GALNTL6: variants seen among roughly 807,000 people sequenced by gnomAD.
GALNTL6 encodes the protein polypeptide N-acetylgalactosaminyltransferase-like 6.
A neutral mutation model predicts 73.7 loss-of-function variants in GALNTL6; 46 were observed. That is an observed-to-expected ratio of 0.62 (90% CI 0.49 to 0.80). The LOEUF (loss-of-function observed/expected upper bound fraction) is 0.80, where lower values mean the gene tolerates loss of function less well. Among genes scored for constraint, GALNTL6 ranks in the 30% least tolerant of loss-of-function variants. The probability of loss-of-function intolerance (pLI) is 0.00; values close to 1 mark genes in which losing one functional copy is unlikely to be tolerated. For missense variants in GALNTL6, 604 were observed against 755.0 expected, an observed-to-expected ratio of 0.80 and a Z score of 2.34; for synonymous variants, 259 against 263.7, an observed-to-expected ratio of 0.98 and a Z score of 0.17.
At chr4:172,887,754 G>A (rs1745809826) in intron 8 of GALNTL6, among the ~76,000 whole-genome samples, 1 of 151,994 alleles carries the variant, frequency 6.6e-6, no homozygotes, top group African/African-American at 2.4e-5. Flanking sequence ...TGTAGAGACG[G>A]GGTTTCCCCA....
intron 2 of GALNTL6, among the ~76,000 whole-genome samples, chr4:171,875,091 A>G (rs1374462268): frequency 6.6e-6 from 1 of 152,196 alleles, no homozygotes; most frequent in Non-Finnish European, 1.5e-5. Context: ...CACATTTAAG[A>G]TAAACAGGAA....
At chr4:172,539,900 TATATATAA>T (rs147832379) in intron 5 of GALNTL6, among the ~76,000 whole-genome samples, 284 of 136,420 alleles carry the variant, frequency 2.1e-3, no homozygotes, top group South Asian at 6.1e-3. Flanking sequence ...TATATATATA[TATATATAA>T]AAAATCTCAT....
At chr4:171,965,350 A>C (rs1381397907) in intron 2 of GALNTL6, among the ~76,000 whole-genome samples, 1 of 152,134 alleles carries the variant, frequency 6.6e-6, no homozygotes, top group Non-Finnish European at 1.5e-5. Context: ...AGAAAGACCT[A>C]TTACTCAAAA....
At chr4:172,901,939 C>T (rs1405117683) in intron 8 of GALNTL6, among the ~76,000 whole-genome samples, 4 of 152,112 alleles carry the variant, frequency 2.6e-5, no homozygotes, top group Non-Finnish European at 4.4e-5. Flanking sequence ...AATCTGGACT[C>T]CTGAATGGCT....
At chr4:171,831,569 ACTTG>A (rs1734973437) in intron 2 of GALNTL6, among the ~76,000 whole-genome samples, 1 of 151,634 alleles carries the variant, frequency 6.6e-6, no homozygotes, top group African/African-American at 2.4e-5. Flanking sequence ...CTTTCATTTC[ACTTG>A]CTTTTGTGTT....
rs572070756 is a variant in GALNTL6 at position 172,783,409 on chromosome 4, T to C, written c.554-25952T>C. Among the ~76,000 whole-genome samples, 31 of 147,610 alleles carry C rather than the reference T, an allele frequency of 2.1e-4. 1 individual carries two copies. In the South Asian group the frequency reaches 5.5e-3, roughly 26 times the overall value. On this transcript the variant is annotated intron_variant, in intron 5 of 12. Coordinates refer to ENST00000506823, the MANE Select transcript of GALNTL6 (RefSeq NM_001034845.3). ...TATTTATAATAATATTATAATATTATTTATAATAATAATATATACTATTTA... is the reference window on the plus strand; with the variant it reads ...TATTTATAATAATATTATAATATTACTTATAATAATAATATATACTATTTA...
intron 2 of GALNTL6, among the ~76,000 whole-genome samples, chr4:171,850,448 C>T (rs1360666408): frequency 5.3e-5 from 8 of 152,006 alleles, no homozygotes; most frequent in Non-Finnish European, 1.0e-4. Context: ...GGGGCTGGAG[C>T]GCAGTTAATC....
chr4:171,972,531 C>T (rs565047563), intron 2 of GALNTL6, among the ~76,000 whole-genome samples: 1 of 151,956 alleles, frequency 6.6e-6, no homozygotes, highest in South Asian at 2.1e-4. Flanking sequence ...TAGCAAATTC[C>T]ATGATAATAA....
intron 2 of GALNTL6, among the ~76,000 whole-genome samples, chr4:171,988,426 G>A (rs1394543160): frequency 3.3e-5 from 5 of 152,304 alleles, no homozygotes; most frequent in Admixed American, 1.3e-4. Context: ...GTAATTTGCT[G>A]AGCCTAATGG....
At chr4:172,589,761 G>A (rs1055029008) in intron 5 of GALNTL6, among the ~76,000 whole-genome samples, 6 of 152,140 alleles carry the variant, frequency 3.9e-5, no homozygotes, top group Non-Finnish European at 7.4e-5. Context: ...TAAATGAATG[G>A]CATAGTACAA....
At chr4:171,986,065 G>C (rs911339569) in intron 2 of GALNTL6, among the ~76,000 whole-genome samples, 1 of 139,654 alleles carries the variant, frequency 7.2e-6, no homozygotes, top group African/African-American at 2.6e-5. Context: ...AAACACTTCT[G>C]TCCAATTGGA....
intron 7 of GALNTL6, among the ~76,000 whole-genome samples, chr4:172,855,147 G>C (rs1355183875): frequency 6.9e-6 from 1 of 143,954 alleles, no homozygotes; most frequent in African/African-American, 2.6e-5. Context: ...CCTGAAGAGA[G>C]CAAATTATGC....
intron 2 of GALNTL6, among the ~76,000 whole-genome samples, chr4:171,984,569 G>A (rs1579031560): frequency 6.6e-6 from 1 of 152,270 alleles, no homozygotes; most frequent in East Asian, 1.9e-4. Context: ...ACCTCCTGGT[G>A]TGTGACAGCC....
At chr4:172,705,874 A>AT (rs1396028669) in intron 5 of GALNTL6, among the ~76,000 whole-genome samples, 9 of 151,648 alleles carry the variant, frequency 5.9e-5, no homozygotes, top group Non-Finnish European at 1.2e-4. Flanking sequence ...ATATGATTTA[A>AT]TTTTTTTTCT....
intron 5 of GALNTL6, among the ~76,000 whole-genome samples, chr4:172,582,656 G>A (rs893991691): frequency 1.3e-5 from 2 of 151,940 alleles, no homozygotes; most frequent in African/African-American, 4.8e-5. Context: ...TTGTGTTGTT[G>A]TTACAGATGG....
At chr4:172,248,633 C>T (rs547206710) in intron 3 of GALNTL6, among the ~76,000 whole-genome samples, 21 of 152,278 alleles carry the variant, frequency 1.4e-4, no homozygotes, top group Non-Finnish European at 2.6e-4. Context: ...CAAAGCTCAT[C>T]TTGAATTGTA....
chr4:172,427,045 C>A (rs1040955650), intron 5 of GALNTL6, among the ~76,000 whole-genome samples: 3 of 151,958 alleles, frequency 2.0e-5, no homozygotes, highest in Non-Finnish European at 4.4e-5. Flanking sequence ...TAAATTATAT[C>A]TCATTCATAT....
chr4:172,774,685 G>A (rs546911388), intron 5 of GALNTL6, among the ~76,000 whole-genome samples: 1 of 152,238 alleles, frequency 6.6e-6, no homozygotes, highest in South Asian at 2.1e-4. Context: ...AGAAGGCTGG[G>A]CTTGTGGCTC....
chr4:172,271,643 T>G (rs923822309), intron 3 of GALNTL6, among the ~76,000 whole-genome samples: 9 of 152,092 alleles, frequency 5.9e-5, no homozygotes, highest in Non-Finnish European at 1.2e-4. Flanking sequence ...TTCATTTATG[T>G]AATGCATATA....
Sources: allele counts gnomAD v4.1 joint callset (sites outside exome capture counted in the v4.1 genomes callset), GRCh38; gene constraint gnomAD v4.1.1; transcripts MANE v1.5; gene names NCBI Gene and HGNC (gene_info 2026-07-23, HGNC 2026-07-21).